The following ABCG8 variants were observed in gnomAD, a reference collection of about 807,000 sequenced individuals.
ABCG8 encodes ATP-binding cassette sub-family G member 8.
Under a neutral mutation model 71.3 loss-of-function variants are expected in ABCG8, and 81 were observed. That is an observed-to-expected ratio of 1.14 (90% confidence interval 0.95 to 1.37). ABCG8 has a LOEUF of 1.37. ABCG8 is among the 40% of genes most tolerant of loss of function. The pLI is 0.00. For missense variants in ABCG8, 1,119 were observed against 866.2 expected, an observed-to-expected ratio of 1.29 and a Z score of -3.66; for synonymous variants, 451 against 354.7, an observed-to-expected ratio of 1.27 and a Z score of -3.05.
intron 3 of ABCG8, chr2:43,848,704 A>G (rs1347748042): frequency 6.6e-6 from 1 of 152,154 alleles, no homozygotes; most frequent in Non-Finnish European, 1.5e-5. Context: ...AACGCTGGCC[A>G]TAATTTTTAA....
rs200919814 is a variant in ABCG8, at chr2:43,875,351, C to T, written c.1694C>T (p.Ala565Val). The T allele has an allele frequency of 1.2e-6, 2 of 1,614,170 alleles. No homozygotes were observed. The highest frequency in any genetic ancestry group is 2.7e-5 in the African/African-American group (2 of 75,076). Residue 565 changes from alanine (A) to valine (V), a missense_variant, in exon 11 of 13, where the codon GCC becomes GTC. By Grantham distance (64) the Ala-to-Val change is moderately conservative. Coordinates refer to ENST00000272286, the MANE Select transcript of ABCG8 (RefSeq NM_022437.3). ...CACATGGCCTCCTTCTTCAGCAATG[C>T]CCTCTACAACTCCTTCTACCTCGCC... is the stretch of plus-strand genomic sequence containing the variant. ...TFHMASFFSN[A>V]LYNSFYLAGG...
At chr2:43,846,610 C>G in intron 3 of ABCG8, 1 of 411,824 alleles carries the variant, frequency 2.4e-6, no homozygotes, top group Non-Finnish European at 4.6e-6. Flanking sequence ...GCAAACAGCT[C>G]CAGCATGTAA....
intron 6 of ABCG8, among the ~76,000 whole-genome samples, chr2:43,864,714 C>G (rs1222865193): frequency 6.6e-6 from 1 of 151,476 alleles, no homozygotes; most frequent in African/African-American, 2.4e-5. Context: ...AATTCCCACC[C>G]TCTAGGTAGA....
In ABCG8 at chr2:43,852,620, C is replaced by G. The variant is rs1172593113; in HGVS notation, c.716C>G (p.Pro239Arg). 1 of 1,614,182 alleles carries G rather than the reference C, an allele frequency of 6.2e-7. No individual in the cohort carries two copies. Among genetic ancestry groups the G allele is most frequent in the Admixed American group, 1.7e-5 (1 of 60,022 alleles). The change falls in exon 6 of 13, where the codon CCC becomes CGC. Residue 239 changes from proline to arginine, a missense_variant. Transcript: ENST00000272286. The stretch of plus-strand genomic sequence containing the variant: ...AAAGGAATCCTTATTCTCGACGAAC[C>G]CACCTCTGGGCTCGACAGCTTCACA... ...WNPGILILDE[P>R]TSGLDSFTAH... is the part of the protein sequence containing the mutation.
intron 6 of ABCG8, among the ~76,000 whole-genome samples, chr2:43,854,607 A>T (rs951208320): frequency 2.2e-5 from 3 of 137,044 alleles, no homozygotes; most frequent in African/African-American, 8.2e-5. Flanking sequence ...AGTCTGGGCG[A>T]TAGAGTGAGA....
intron 1 of ABCG8, among the ~76,000 whole-genome samples, chr2:43,841,861 A>G (rs1022354650): frequency 2.0e-5 from 3 of 152,194 alleles, no homozygotes; most frequent in Non-Finnish European, 4.4e-5. Context: ...CGCCTCCTCC[A>G]TGCCTAAATC....
At chr2:43,875,446 T>C (rs1308285558) in intron 11 of ABCG8, 33 bp downstream of exon 11, 3 of 1,605,450 alleles carry the variant, frequency 1.9e-6, no homozygotes, top group African/African-American at 2.7e-5. Flanking sequence ...GGGCCAGCTT[T>C]GTTAGGACTC....
intron 6 of ABCG8, among the ~76,000 whole-genome samples, chr2:43,857,848 A>G (rs578107986): frequency 2.6e-5 from 4 of 151,748 alleles, no homozygotes; most frequent in Admixed American, 2.6e-4. Context: ...ATCCATGAAC[A>G]ACTCTCACAA....
chr2:43,840,723 T>C (rs1668555612), intron 1 of ABCG8, among the ~76,000 whole-genome samples: 1 of 152,216 alleles, frequency 6.6e-6, no homozygotes, highest in Non-Finnish European at 1.5e-5. Flanking sequence ...TAGAATGCGC[T>C]GGTACGGGGG....
chr2:43,851,571 G>C lies in ABCG8; in HGVS notation c.323-13G>C, dbSNP rs774967846. 7 of 1,614,096 alleles carry C rather than the reference G, an allele frequency of 4.3e-6. No homozygotes were observed. The Admixed American group carries it at 1.2e-4, about 27-fold the overall frequency. ...AAGCTCCGCTCTCAGGGATATCCCT[G>C]GTGGCTTTGCAGGTTGTGGGAGAGC... On this transcript the variant is annotated splice_polypyrimidine_tract_variant and intron_variant, in intron 3 of 12. Transcript: ENST00000272286.
In ABCG8 at chr2:43,872,294, C is replaced by T. The variant is rs4148217; in HGVS notation, c.1199C>T (p.Thr400Met). ...TKMPGAVQQF[T>M]TLIRRQISND... ...ATGCCTGGGGCGGTGCAGCAGTTTA[C>T]GACGCTGATCCGGTAATTATCTGTC... Residue 400 changes from threonine (T) to methionine (M), a missense_variant, in exon 8 of 13, where the codon ACG becomes ATG. Physicochemically the swap from Thr to Met is moderately conservative, Grantham distance 81. Transcript: ENST00000272286. 1.2e-5 allele frequency: 20 copies of T among 1,613,348 alleles called. No homozygotes were observed. The highest frequency in any genetic ancestry group is 1.7e-5 in the Admixed American group (1 of 59,904).
At position 43,878,038 on chromosome 2, in the gene ABCG8, GC is replaced by G; in HGVS notation, c.*128del. The G allele has an allele frequency of 7.0e-7, 1 of 1,428,882 alleles. No individual in the cohort carries two copies. Among genetic ancestry groups the G allele is most frequent in the Non-Finnish European group, 9.6e-7 (1 of 1,037,036 alleles). The allele number at this position is 1,428,882 out of a possible 1,614,324, so 88.5% of individuals were successfully genotyped here. A position where few individuals can be genotyped will look rare whatever the true frequency, so the allele number is the denominator to read the frequency against. On this transcript the variant is annotated 3_prime_UTR_variant, in exon 13 of 13. Coordinates refer to ENST00000272286, the MANE Select transcript of ABCG8 (RefSeq NM_022437.3). The stretch of plus-strand genomic sequence containing the variant: ...CCCTACAGATGCTCAGCTACATCCG[GC>G]CCAGGGTGCTGCAGTGGCACAGACC...
chr2:43,853,941 G>T (rs1034256708), intron 6 of ABCG8, among the ~76,000 whole-genome samples: 1 of 152,146 alleles, frequency 6.6e-6, no homozygotes, highest in Non-Finnish European at 1.5e-5. Flanking sequence ...CTCACAGAAA[G>T]GTCACCTCCC....
At chr2:43,877,294 T>C (rs1370717420) in intron 11 of ABCG8, among the ~76,000 whole-genome samples, 2 of 150,424 alleles carry the variant, frequency 1.3e-5, no homozygotes, top group East Asian at 2.0e-4. Flanking sequence ...TGTGGGAATA[T>C]GAGCAGACTG....
intron 6 of ABCG8, among the ~76,000 whole-genome samples, chr2:43,855,460 C>A (rs1198692164): frequency 2.0e-5 from 3 of 151,732 alleles, no homozygotes; most frequent in Non-Finnish European, 4.4e-5. Flanking sequence ...ATAGGACTGT[C>A]ACTCTCTGGA....
intron 11 of ABCG8, 143 bp downstream of exon 11, chr2:43,875,556 G>T: frequency 9.9e-7 from 1 of 1,013,178 alleles, no homozygotes; most frequent in African/African-American, 1.6e-5. Flanking sequence ...TTTGCCCACT[G>T]CCCTGGAGGC....
At chr2:43,855,104 C>T (rs1021349197) in intron 6 of ABCG8, among the ~76,000 whole-genome samples, 17 of 152,340 alleles carry the variant, frequency 1.1e-4, no homozygotes, top group African/African-American at 3.8e-4. Flanking sequence ...TGAGAATTCT[C>T]ACCATCTGGA....
chr2:43,872,085 C>G lies in ABCG8; in HGVS notation c.1074C>G (p.Asp358Glu). 6.2e-7 allele frequency: 1 copy of G among 1,614,122 alleles called. No homozygotes were observed. The highest frequency in any genetic ancestry group is 1.1e-5 in the South Asian group (1 of 91,080). ...LFLEKVRDLDDFLWKAETKDL... is the reference protein window; with the variant it reads ...LFLEKVRDLDEFLWKAETKDL... ...TAGAAAAAGTGCGTGACTTAGATGA[C>G]TTTCTATGGAAAGCAGAGACGAAGG... The change falls in exon 7 of 13, where the codon GAC becomes GAG. Residue 358 changes from aspartate (D) to glutamate (E), a missense_variant. Coordinates refer to ENST00000272286, the MANE Select transcript of ABCG8 (RefSeq NM_022437.3).
In ABCG8 at chr2:43,874,516, C is replaced by CCG. The variant is rs10667526; in HGVS notation, c.1488+33_1488+34insCG. 3.0e-5 allele frequency: 47 copies of CCG among 1,548,608 alleles called. No individual in the cohort carries two copies. In the South Asian group the frequency reaches 4.0e-4, roughly 13 times the overall value. On this transcript the variant is annotated intron_variant, in intron 10 of 12. Transcript: ENST00000272286. ...GGCAGGGTTGAGAGCAAGTGCCCCC[C>CCG]ACCCACCAGGGTGGGGGTAAGTGTG... is the stretch of plus-strand genomic sequence containing the variant.
Sources: allele counts gnomAD v4.1 joint callset (sites outside exome capture counted in the v4.1 genomes callset), GRCh38; gene constraint gnomAD v4.1.1; transcripts MANE v1.5; gene names NCBI Gene and HGNC (gene_info 2026-07-23, HGNC 2026-07-21).